Variants in HMGB2 observed in about 807,000 individuals in gnomAD.
The protein encoded by HMGB2 is high mobility group protein B2.
HMGB2 carries 2 observed loss-of-function variants against 23.0 expected under a neutral mutation model. The ratio of observed to expected loss-of-function variants is 0.09; its 90% CI spans 0.04 to 0.27. HMGB2 has a LOEUF of 0.27. Ranked by LOEUF, HMGB2 falls within the 10% of genes least tolerant of loss-of-function variation. The pLI, the probability that HMGB2 is intolerant of heterozygous loss-of-function variation, is 1.00. For missense variants in HMGB2, 178 were observed against 256.5 expected (o/e 0.69, Z 2.09); for synonymous variants, 99 against 87.5 (o/e 1.13, Z -0.73).
rs760707043 is a variant in HMGB2, at chr4:173,332,164, C to T, written c.546G>A (p.Lys182=). Residue 182 remains lysine (K), a synonymous_variant, in exon 5 of 5, where the codon AAG becomes AAA. Coordinates refer to ENST00000296503, the MANE Select transcript of HMGB2 (RefSeq NM_002129.4). ...KKGPGRPTGS[K]KKNEPEDEEE... is the part of the protein sequence containing the mutation. ...CCTCATCTTCTGGTTCGTTCTTCTTCTTTGAGCCTGTTGGCCTGCCAGGGC... is the reference window on the plus strand; with the variant it reads ...CCTCATCTTCTGGTTCGTTCTTCTTTTTTGAGCCTGTTGGCCTGCCAGGGC... The T allele has an allele frequency of 2.5e-6, 4 of 1,613,694 alleles. No individual in the cohort carries two copies. The South Asian group carries it at 4.4e-5, about 18-fold the overall frequency.
chr4:173,331,997 G>A lies in HMGB2; in HGVS notation c.*83C>T. 6.3e-7 allele frequency: 1 copy of A among 1,587,276 alleles called. No individual in the cohort carries two copies. The highest frequency in any genetic ancestry group is 1.1e-5 in the South Asian group (1 of 87,180). On this transcript the variant is annotated 3_prime_UTR_variant, in exon 5 of 5. Coordinates refer to ENST00000296503, the MANE Select transcript of HMGB2 (RefSeq NM_002129.4). ...GTTTTTATACTGAAGCTAGTATTGA[G>A]CTGCACTTGAATTCACATTCTTAGC...
chr4:173,333,698 G>GTC lies in HMGB2; in HGVS notation c.-20-30_-20-29insGA. 2.0e-6 allele frequency: 3 copies of GTC among 1,534,174 alleles called. No individual in the cohort carries two copies. Among genetic ancestry groups the GTC allele is most frequent in the Non-Finnish European group, 2.6e-6 (3 of 1,133,344 alleles). On this transcript the variant is annotated intron_variant, in intron 1 of 4. Transcript: ENST00000296503. The surrounding 1 kb of genome is among the most constrained non-coding windows in gnomAD (Gnocchi z 4.6). Reference sequence around the variant, plus strand: ...ACGGGGCCGAGGGGGGAGAGGGGAAGCCGGAGGGTCGGCGCGGAGCCCGCA... The same window carrying GTC: ...ACGGGGCCGAGGGGGGAGAGGGGAAGTCCCGGAGGGTCGGCGCGGAGCCCGCA...
At chr4:173,332,273 T>C (rs765315894) in intron 4 of HMGB2, 35 bp from the exon 5 acceptor site, 1 of 1,496,544 alleles carries the variant, frequency 6.7e-7, no homozygotes, top group Non-Finnish European at 9.0e-7. Flanking sequence ...GCATCCGGTA[T>C]CATTACTCAA....
rs33987506 is a variant in HMGB2, at chr4:173,331,394, A to ATATATATATATATATATATATATG, written c.*685_*686insCATATATATATATATATATATATA. 8.6e-5 allele frequency among the ~76,000 whole-genome samples: 12 copies of ATATATATATATATATATATATATG among 138,864 alleles called. No individual in the cohort carries two copies. Among genetic ancestry groups the ATATATATATATATATATATATATG allele is most frequent in the African/African-American group, 3.5e-4 (12 of 34,394 alleles). 91.1% of individuals were successfully genotyped at this position (138,864 alleles called of 152,430 possible). A position where few individuals can be genotyped will look rare whatever the true frequency, so the allele number is the denominator to read the frequency against. ...TATATACATATATATATATATATAT[A>ATATATATATATATATATATATATG]TGTATATATATATACACACACCTGA... On this transcript the variant is annotated 3_prime_UTR_variant, in exon 5 of 5. Transcript: ENST00000296503.
rs1553961321 is a variant in HMGB2, at chr4:173,331,395, T to TATAC, written c.*684_*685insGTAT. On this transcript the variant is annotated 3_prime_UTR_variant, in exon 5 of 5. Transcript: ENST00000296503. The stretch of plus-strand genomic sequence containing the variant: ...ATATACATATATATATATATATATA[T>TATAC]GTATATATATATACACACACCTGAG... Among the ~76,000 whole-genome samples the TATAC allele has an allele frequency of 8.5e-5, 12 of 141,020 alleles. No individual in the cohort carries two copies. Among genetic ancestry groups the TATAC allele is most frequent in the East Asian group, 4.0e-4 (2 of 5,032 alleles). The allele number at this position is 141,020 out of a possible 152,430, so 92.5% of individuals were successfully genotyped here. A position where few individuals can be genotyped will look rare whatever the true frequency, so the allele number is the denominator to read the frequency against.
rs764970086 is a variant in HMGB2 at position 173,332,030 on chromosome 4, T to G, written c.*50A>C. The G allele has an allele frequency of 2.5e-6, 4 of 1,605,790 alleles. No individual in the cohort carries two copies. The highest frequency in any genetic ancestry group is 3.4e-6 in the Non-Finnish European group (4 of 1,176,990). ...TGAATTCACATTCTTAGCAAAATAATTGCCTGAGCACACACACACATTCCA... is the reference window on the plus strand; with the variant it reads ...TGAATTCACATTCTTAGCAAAATAAGTGCCTGAGCACACACACACATTCCA... On this transcript the variant is annotated 3_prime_UTR_variant, in exon 5 of 5. Coordinates refer to ENST00000296503, the MANE Select transcript of HMGB2 (RefSeq NM_002129.4).
chr4:173,333,014 G>A lies in HMGB2; in HGVS notation c.297-19C>T, dbSNP rs1255577237. 6.2e-7 allele frequency: 1 copy of A among 1,613,100 alleles called. No homozygotes were observed. Among genetic ancestry groups the A allele is most frequent in the South Asian group, 1.1e-5 (1 of 91,024 alleles). On this transcript the variant is annotated intron_variant, in intron 3 of 4. Transcript: ENST00000296503. The surrounding 1 kb of genome is among the most constrained non-coding windows in gnomAD (Gnocchi z 4.6). Reference sequence around the variant, plus strand: ...GGCAGATCTGAAAGGAAGCAACAGAGTTTAATAAACTGAAGGAAAAATCCA... The same window carrying A: ...GGCAGATCTGAAAGGAAGCAACAGAATTTAATAAACTGAAGGAAAAATCCA...
At position 173,333,468 on chromosome 4, in the gene HMGB2, A is replaced by T; in HGVS notation, c.150+32T>A. 1 of 1,598,938 alleles carries T rather than the reference A, an allele frequency of 6.3e-7. No homozygotes were observed. The highest frequency in any genetic ancestry group is 8.5e-7 in the Non-Finnish European group (1 of 1,171,408). On this transcript the variant is annotated intron_variant, in intron 2 of 4. Coordinates refer to ENST00000296503, the MANE Select transcript of HMGB2 (RefSeq NM_002129.4). This position sits in a 1 kb window ranked among gnomAD's most constrained non-coding sequence, Gnocchi z 4.6. ...CCTCCTAGCCGAAAACCACACCTGC[A>T]CCCCCTGAGCTCCGTCCCTCTCCTG...
Position 173,333,596 on chromosome 4 carries a change from G to T in HMGB2, c.54C>A (p.Phe18Leu). The part of the protein sequence containing the change: ...KPRGKMSSYA[F>L]FVQTCREEHK... ...GCTCTTCCCGGCAGGTCTGCACGAAGAAGGCGTACGAGGACATTTTGCCCC... is the reference window on the plus strand; with the variant it reads ...GCTCTTCCCGGCAGGTCTGCACGAATAAGGCGTACGAGGACATTTTGCCCC... Residue 18 changes from phenylalanine to leucine, a missense_variant, in exon 2 of 5, where the codon TTC (phenylalanine) becomes TTA (leucine). Phe to Leu is a conservative substitution (Grantham distance 22). Coordinates refer to ENST00000296503, the MANE Select transcript of HMGB2 (RefSeq NM_002129.4). The surrounding 1 kb of genome is among the most constrained non-coding windows in gnomAD (Gnocchi z 4.6). The T allele has an allele frequency of 6.2e-7, 1 of 1,614,172 alleles. No individual in the cohort carries two copies. The highest frequency in any genetic ancestry group is 8.5e-7 in the Non-Finnish European group (1 of 1,179,996).
Position 173,333,802 on chromosome 4 carries a change from A to C in HMGB2, c.-20-133T>G. The stretch of plus-strand genomic sequence containing the variant: ...CCCTGCCCGCGCCCCCCTCCTCCCG[A>C]GGGCGTCCTCCCAAGGGCGGCCGCC... On this transcript the variant is annotated intron_variant, in intron 1 of 4. Transcript: ENST00000296503. The surrounding 1 kb of genome is among the most constrained non-coding windows in gnomAD (Gnocchi z 4.6). 2.1e-6 allele frequency: 1 copy of C among 487,368 alleles called. No homozygotes were observed. The highest frequency in any genetic ancestry group is 3.0e-6 in the Non-Finnish European group (1 of 333,630). The allele number at this position is 487,368 out of a possible 1,614,324, so 30.2% of individuals were successfully genotyped here.
chr4:173,331,413 C>T lies in HMGB2; in HGVS notation c.*667G>A, dbSNP rs913365631. On this transcript the variant is annotated 3_prime_UTR_variant, in exon 5 of 5. Transcript: ENST00000296503. ...ATATATATGTATATATATATACACA[C>T]ACCTGAGGAACAATTTAGCTAATAA... Among the ~76,000 whole-genome samples, 1 of 141,680 alleles carries T rather than the reference C, an allele frequency of 7.1e-6. No individual in the cohort carries two copies. The highest frequency in any genetic ancestry group is 2.8e-5 in the African/African-American group (1 of 35,922). The allele number at this position is 141,680 out of a possible 152,430, so 92.9% of individuals were successfully genotyped here. A position where few individuals can be genotyped will look rare whatever the true frequency, so the allele number is the denominator to read the frequency against.
rs769596402 is a variant in HMGB2, at chr4:173,333,440, G to C, written c.150+60C>G. On this transcript the variant is annotated intron_variant, in intron 2 of 4. Transcript: ENST00000296503. This position sits in a 1 kb window ranked among gnomAD's most constrained non-coding sequence, Gnocchi z 4.6. ...CATGAGTTGCCTACTACCTGCCTAA[G>C]GCCCTCCTAGCCGAAAACCACACCT... 6 of 1,569,200 alleles carry C rather than the reference G, an allele frequency of 3.8e-6. No homozygotes were observed. The highest frequency in any genetic ancestry group is 5.2e-6 in the Non-Finnish European group (6 of 1,155,132).
rs368457782 is a variant in HMGB2 at position 173,334,320 on chromosome 4, G to C, written c.-69C>G. On this transcript the variant is annotated 5_prime_UTR_variant, in exon 1 of 5. Coordinates refer to ENST00000296503, the MANE Select transcript of HMGB2 (RefSeq NM_002129.4). ...TCCCGCAGAGCGGCCGGACCCAACGGAGACGCTTCCCTCACGGGGCTCCGG... is the reference window on the plus strand; with the variant it reads ...TCCCGCAGAGCGGCCGGACCCAACGCAGACGCTTCCCTCACGGGGCTCCGG... 1 of 152,406 alleles carries C rather than the reference G, an allele frequency of 6.6e-6. No individual in the cohort carries two copies. The highest frequency in any genetic ancestry group is 1.5e-5 in the Non-Finnish European group (1 of 68,184). The allele number at this position is 152,406 out of a possible 1,614,324, so 9.4% of individuals were successfully genotyped here. A position where few individuals can be genotyped will look rare whatever the true frequency, so the allele number is the denominator to read the frequency against.
Position 173,333,296 on chromosome 4 carries a change from AC to A in HMGB2, c.151-83del. ...AAAGACGACAAGATCATCTTTAAGGACCACATTTTCCTTAACAGCATTTTGC... is the reference window on the plus strand; with the variant it reads ...AAAGACGACAAGATCATCTTTAAGGACACATTTTCCTTAACAGCATTTTGC... On this transcript the variant is annotated intron_variant, in intron 2 of 4. Coordinates refer to ENST00000296503, the MANE Select transcript of HMGB2 (RefSeq NM_002129.4). This position sits in a 1 kb window ranked among gnomAD's most constrained non-coding sequence, Gnocchi z 4.6. 6.7e-7 allele frequency: 1 copy of A among 1,488,410 alleles called. No individual in the cohort carries two copies. Among genetic ancestry groups the A allele is most frequent in the Non-Finnish European group, 9.1e-7 (1 of 1,099,324 alleles). The allele number at this position is 1,488,410 out of a possible 1,614,324, so 92.2% of individuals were successfully genotyped here.
chr4:173,333,904 G>C lies in HMGB2; in HGVS notation c.-20-235C>G, dbSNP rs1738179067. 2.4e-5 allele frequency: 6 copies of C among 248,420 alleles called. No individual in the cohort carries two copies. Among genetic ancestry groups the C allele is most frequent in the South Asian group, 1.6e-4 (1 of 6,078 alleles). The allele number at this position is 248,420 out of a possible 1,614,324, so 15.4% of individuals were successfully genotyped here. A position where few individuals can be genotyped will look rare whatever the true frequency, so the allele number is the denominator to read the frequency against. On this transcript the variant is annotated intron_variant, in intron 1 of 4. Coordinates refer to ENST00000296503, the MANE Select transcript of HMGB2 (RefSeq NM_002129.4). The surrounding 1 kb of genome is among the most constrained non-coding windows in gnomAD (Gnocchi z 4.6). ...GCCCGAGCGGCCGCGGCTCAGCCCAGCAAGTGGCTCCCGGGGCCCGAGACG... is the reference window on the plus strand; with the variant it reads ...GCCCGAGCGGCCGCGGCTCAGCCCACCAAGTGGCTCCCGGGGCCCGAGACG...
Position 173,333,395 on chromosome 4 carries a change from G to T in HMGB2, c.150+105C>A. 1 of 1,441,772 alleles carries T rather than the reference G, an allele frequency of 6.9e-7. No individual in the cohort carries two copies. The highest frequency in any genetic ancestry group is 9.4e-7 in the Non-Finnish European group (1 of 1,061,962). The allele number at this position is 1,441,772 out of a possible 1,614,324, so 89.3% of individuals were successfully genotyped here. A position where few individuals can be genotyped will look rare whatever the true frequency, so the allele number is the denominator to read the frequency against. On this transcript the variant is annotated intron_variant, in intron 2 of 4. Transcript: ENST00000296503. This position sits in a 1 kb window ranked among gnomAD's most constrained non-coding sequence, Gnocchi z 4.6. ...TCTTAAGATATTCAGGTGAGTCACT[G>T]GGGTGGCAAAGTTGAAGCTCATGAG... is the stretch of plus-strand genomic sequence containing the variant.
Position 173,333,555 on chromosome 4 carries a change from G to A in HMGB2, c.95C>T (p.Pro32Leu). 6 of 1,614,186 alleles carry A rather than the reference G, an allele frequency of 3.7e-6. No individual in the cohort carries two copies. The highest frequency in any genetic ancestry group is 5.1e-6 in the Non-Finnish European group (6 of 1,180,012). The change falls in exon 2 of 5, where the codon CCG becomes CTG. Residue 32 changes from proline to leucine, a missense_variant. Coordinates refer to ENST00000296503, the MANE Select transcript of HMGB2 (RefSeq NM_002129.4). This position sits in a 1 kb window ranked among gnomAD's most constrained non-coding sequence, Gnocchi z 4.6. The part of the protein sequence containing the change: ...TCREEHKKKH[P>L]DSSVNFAEFS... ...TTCCGCGAAATTGACGGAAGAGTCC[G>A]GGTGTTTCTTCTTGTGCTCTTCCCG...
At position 173,333,912 on chromosome 4, in the gene HMGB2, C is replaced by T. The variant is rs1416698920; in HGVS notation, c.-20-243G>A. The stretch of plus-strand genomic sequence containing the variant: ...GGCCGCGGCTCAGCCCAGCAAGTGG[C>T]TCCCGGGGCCCGAGACGCCGCCGCC... On this transcript the variant is annotated intron_variant, in intron 1 of 4. Coordinates refer to ENST00000296503, the MANE Select transcript of HMGB2 (RefSeq NM_002129.4). This position sits in a 1 kb window ranked among gnomAD's most constrained non-coding sequence, Gnocchi z 4.6. 2 of 239,160 alleles carry T rather than the reference C, an allele frequency of 8.4e-6. No homozygotes were observed. The highest frequency in any genetic ancestry group is 8.0e-5 in the East Asian group (1 of 12,450). The allele number at this position is 239,160 out of a possible 1,614,324, so 14.8% of individuals were successfully genotyped here. A position where few individuals can be genotyped will look rare whatever the true frequency, so the allele number is the denominator to read the frequency against.
rs1178414280 is a variant in HMGB2, at chr4:173,331,394, A to ATGTG, written c.*685_*686insCACA. 4.0e-4 allele frequency among the ~76,000 whole-genome samples: 55 copies of ATGTG among 138,880 alleles called. No individual in the cohort carries two copies. Among genetic ancestry groups the ATGTG allele is most frequent in the African/African-American group, 1.5e-3 (52 of 34,408 alleles). The allele number at this position is 138,880 out of a possible 152,430, so 91.1% of individuals were successfully genotyped here. ...TATATACATATATATATATATATAT[A>ATGTG]TGTATATATATATACACACACCTGA... On this transcript the variant is annotated 3_prime_UTR_variant, in exon 5 of 5. Transcript: ENST00000296503.
Sources: gnomAD v4.1 joint callset for allele counts (sites outside exome capture counted in the v4.1 genomes callset) on GRCh38, gnomAD v4.1.1 for gene constraint, Gnocchi (gnomAD v3.1) non-coding constraint, MANE v1.5 for transcripts, NCBI Gene and HGNC (gene_info 2026-07-23, HGNC 2026-07-21) for gene names.